Variants in ACTN4 observed in about 807,000 individuals in gnomAD.
ACTN4 encodes alpha-actinin-4.
ACTN4 carries 18 observed loss-of-function variants against 114.2 expected under a neutral mutation model. That is an observed-to-expected ratio of 0.16 (90% CI 0.11 to 0.23). The LOEUF (loss-of-function observed/expected upper bound fraction) is 0.23. Ranked by LOEUF, ACTN4 falls within the 10% of genes least tolerant of loss-of-function variation. The pLI is 1.00. For synonymous variants in ACTN4, 515 were observed against 506.3 expected, an observed-to-expected ratio of 1.02 and a Z score of -0.23; for missense variants, 722 against 1,262.9, an observed-to-expected ratio of 0.57 and a Z score of 6.49.
intron 1 of ACTN4, among the ~76,000 whole-genome samples, chr19:38,669,125 T>C (rs948480467): frequency 2.0e-5 from 3 of 152,176 alleles, no homozygotes; most frequent in Non-Finnish European, 4.4e-5. Context: ...TAGCTGGGAT[T>C]ACAGACGCCT....
chr19:38,728,330 C>T, intron 19 of ACTN4: 1 of 1,490,704 alleles, frequency 6.7e-7, no homozygotes, highest in Non-Finnish European at 9.0e-7. Flanking sequence ...AGACAGGCAG[C>T]ATGGACTCCG....
At chr19:38,690,784 C>T (rs1967898262) in intron 1 of ACTN4, among the ~76,000 whole-genome samples, 2 of 152,174 alleles carry the variant, frequency 1.3e-5, no homozygotes, top group South Asian at 2.1e-4. Context: ...TGTGAATATA[C>T]TAAAACTCCC....
intron 8 of ACTN4, among the ~76,000 whole-genome samples, chr19:38,712,566 C>T (rs931998568): frequency 6.6e-6 from 1 of 152,082 alleles, no homozygotes; most frequent in South Asian, 2.1e-4. Flanking sequence ...CCAGAAAGGC[C>T]TCTTCACCTC....
At chr19:38,691,767 A>T (rs888198851) in intron 1 of ACTN4, among the ~76,000 whole-genome samples, 2 of 151,870 alleles carry the variant, frequency 1.3e-5, no homozygotes, top group African/African-American at 4.8e-5. Flanking sequence ...GCCGGGTGTG[A>T]TGGTGGGTGC....
At position 38,731,111 on chromosome 19, in the gene ACTN4, G is replaced by A. The variant is rs1184869733; in HGVS notation, c.*1679G>A. ...CCATGCCGGGGTGGTACTCACAGAA[G>A]ATGCAGGTGAGGTGGGCCACACAGG... is the stretch of plus-strand genomic sequence containing the variant. On this transcript the variant is annotated 3_prime_UTR_variant, in exon 21 of 21. Coordinates refer to ENST00000252699, the MANE Select transcript of ACTN4 (RefSeq NM_004924.6). 2 of 1,611,308 alleles carry A rather than the reference G, an allele frequency of 1.2e-6. No homozygotes were observed. The highest frequency in any genetic ancestry group is 2.2e-5 in the South Asian group (2 of 90,726).
chr19:38,693,280 G>C (rs1599808754), intron 1 of ACTN4, among the ~76,000 whole-genome samples: 1 of 152,178 alleles, frequency 6.6e-6, no homozygotes, highest in Non-Finnish European at 1.5e-5. Flanking sequence ...CACCCCTCCT[G>C]AGGGATCGCT....
In ACTN4 at chr19:38,724,198, G is replaced by C; in HGVS notation, c.1734G>C (p.Pro578=). The part of the protein sequence containing the change: ...SAHDQFKSTL[P]DADREREAIL... ...ATGACCAGTTCAAGTCCACCCTGCC[G>C]GACGCCGATAGGGAGCGCGAGGCCA... The change falls in exon 15 of 21, where the codon CCG becomes CCC. Residue 578 remains proline, a synonymous_variant. Transcript: ENST00000252699. The surrounding 1 kb of genome is among the most constrained non-coding windows in gnomAD (Gnocchi z 7.0). The C allele has an allele frequency of 6.2e-7, 1 of 1,613,854 alleles. No individual in the cohort carries two copies. Among genetic ancestry groups the C allele is most frequent in the Non-Finnish European group, 8.5e-7 (1 of 1,180,038 alleles).
intron 11 of ACTN4, among the ~76,000 whole-genome samples, chr19:38,718,569 C>T (rs1968924900): frequency 6.6e-6 from 1 of 152,116 alleles, no homozygotes; most frequent in Non-Finnish European, 1.5e-5. Context: ...CTTTGGATTC[C>T]TTCAGCCCCA....
intron 1 of ACTN4, among the ~76,000 whole-genome samples, chr19:38,692,881 C>T (rs1967974945): frequency 1.3e-5 from 2 of 152,140 alleles, no homozygotes; most frequent in South Asian, 4.1e-4. Context: ...GGACGGCGCC[C>T]TCCCCCTCAA....
intron 1 of ACTN4, among the ~76,000 whole-genome samples, chr19:38,669,619 G>A (rs190371024): frequency 2.0e-5 from 3 of 152,244 alleles, no homozygotes; most frequent in African/African-American, 4.8e-5. Context: ...GTGGCCCTTG[G>A]GTTGCCCGAG....
At chr19:38,656,678 T>A (rs1976720609) in intron 1 of ACTN4, among the ~76,000 whole-genome samples, 1 of 152,200 alleles carries the variant, frequency 6.6e-6, no homozygotes, top group East Asian at 1.9e-4. Context: ...TTGCAATGAT[T>A]GAATGGGATG....
At chr19:38,676,069 G>A (rs985101314) in intron 1 of ACTN4, among the ~76,000 whole-genome samples, 9 of 152,170 alleles carry the variant, frequency 5.9e-5, no homozygotes, top group Non-Finnish European at 1.3e-4. Context: ...AGGATGCAGC[G>A]GGATGGAGCC....
At chr19:38,659,043 CT>C (rs1346807722) in intron 1 of ACTN4, among the ~76,000 whole-genome samples, 7 of 125,906 alleles carry the variant, frequency 5.6e-5, no homozygotes, top group African/African-American at 1.7e-4. Flanking sequence ...CCCTTTGTAA[CT>C]TTTTTTTCTT....
chr19:38,693,204 G>A (rs1347492179), intron 1 of ACTN4, among the ~76,000 whole-genome samples: 1 of 151,928 alleles, frequency 6.6e-6, no homozygotes, highest in African/African-American at 2.4e-5. Flanking sequence ...CAGCCTGGTG[G>A]GTGGGGAGAG....
chr19:38,652,833 C>T lies in ACTN4; in HGVS notation c.162+4926C>T, dbSNP rs915880471. Among the ~76,000 whole-genome samples, 4 of 152,148 alleles carry T rather than the reference C, an allele frequency of 2.6e-5. No individual in the cohort carries two copies. In the South Asian group the frequency reaches 8.3e-4, roughly 32 times the overall value. On this transcript the variant is annotated intron_variant, in intron 1 of 20. Transcript: ENST00000252699. ...GGGCGCAGTGGCTCGCGCCTGTAAT[C>T]CCAGCACTTTGGGAGGCTGAGGTGG...
chr19:38,720,163 TCACTC>T lies in ACTN4; in HGVS notation c.1292-1371_1292-1367del, dbSNP rs566060032. On this transcript the variant is annotated intron_variant, in intron 11 of 20. Coordinates refer to ENST00000252699, the MANE Select transcript of ACTN4 (RefSeq NM_004924.6). ...CCGCCCTGGGGTGGGTGGGCCACCT[TCACTC>T]CACACCCCTCACCATCCCCCACAGC... Among the ~76,000 whole-genome samples the T allele has an allele frequency of 3.4e-4, 51 of 151,988 alleles. 1 individual carries two copies. In the South Asian group the frequency reaches 9.6e-3, roughly 29 times the overall value.
At chr19:38,716,559 C>G (rs1319097362) in intron 9 of ACTN4, among the ~76,000 whole-genome samples, 1 of 152,244 alleles carries the variant, frequency 6.6e-6, no homozygotes, top group Non-Finnish European at 1.5e-5. Context: ...ATGGGCCAGG[C>G]ATGGTGGCTC....
In ACTN4 at chr19:38,723,964, G is replaced by A; in HGVS notation, c.1579G>A (p.Asp527Asn). The change falls in exon 14 of 21, where the codon GAC becomes AAC. Residue 527 changes from aspartate to asparagine, a missense_variant. Asp to Asn is a conservative substitution (Grantham distance 23, BLOSUM62 1). Coordinates refer to ENST00000252699, the MANE Select transcript of ACTN4 (RefSeq NM_004924.6). ...EKTEKQLEAI[D>N]QLHLEYAKRA... ...AACAGAGAAGCAGCTGGAGGCCATC[G>A]ACCAGCTGCACCTGGAATACGCCAA... 1.9e-6 allele frequency: 3 copies of A among 1,612,746 alleles called. No individual in the cohort carries two copies. The highest frequency in any genetic ancestry group is 2.2e-5 in the East Asian group (1 of 44,832).
chr19:38,718,115 C>A (rs545698094), intron 11 of ACTN4, 41 bp downstream of exon 11: 3 of 1,574,416 alleles, frequency 1.9e-6, no homozygotes, highest in Non-Finnish European at 2.6e-6. Context: ...GCCCCGCTCC[C>A]GTGCTCCCCT....
Sources: allele counts gnomAD v4.1 joint callset (sites outside exome capture counted in the v4.1 genomes callset), GRCh38; gene constraint gnomAD v4.1.1; non-coding constraint Gnocchi (gnomAD v3.1); transcripts MANE v1.5; gene names NCBI Gene and HGNC (gene_info 2026-07-23, HGNC 2026-07-21).